The following FUT8 variants were observed in gnomAD, a reference collection of about 807,000 sequenced individuals.
FUT8 encodes fucosyltransferase 8.
Under a neutral mutation model 71.3 loss-of-function variants are expected in FUT8, and 29 were observed. The ratio of observed to expected loss-of-function variants is 0.41; its 90% CI spans 0.30 to 0.55. The LOEUF (loss-of-function observed/expected upper bound fraction) is 0.55, where lower values mean the gene tolerates loss of function less well. FUT8 is among the 20% of genes least tolerant of loss of function. The pLI, the probability that FUT8 is intolerant of heterozygous loss-of-function variation, is 0.34. For synonymous variants in FUT8, 254 were observed against 239.3 expected (o/e 1.06, Z -0.57); for missense variants, 544 against 702.1 (o/e 0.77, Z 2.55).
At chr14:65,537,349 T>A (rs1432231816) in intron 2 of FUT8, among the ~76,000 whole-genome samples, 1 of 151,642 alleles carries the variant, frequency 6.6e-6, no homozygotes, top group Non-Finnish European at 1.5e-5. Flanking sequence ...TGTTGGAGTT[T>A]TTATTATTAT....
chr14:65,565,110 G>T (rs980505072), intron 3 of FUT8, among the ~76,000 whole-genome samples: 6 of 151,938 alleles, frequency 3.9e-5, no homozygotes, highest in African/African-American at 1.4e-4. Context: ...CGTGTATAAA[G>T]AGATCACATG....
intron 2 of FUT8, among the ~76,000 whole-genome samples, chr14:65,505,905 A>G (rs2066726121): frequency 6.6e-6 from 1 of 152,096 alleles, no homozygotes; most frequent in African/African-American, 2.4e-5. Flanking sequence ...TTATTTGTCC[A>G]ACTCTGTAGC....
chr14:65,729,168 GGCATGCA>G (rs1276494101), intron 9 of FUT8, among the ~76,000 whole-genome samples: 8 of 148,874 alleles, frequency 5.4e-5, no homozygotes, highest in Non-Finnish European at 8.9e-5. Flanking sequence ...TGGGACCATT[GGCATGCA>G]GCATCATGCC....
intron 5 of FUT8, among the ~76,000 whole-genome samples, chr14:65,628,206 C>T (rs1306168452): frequency 6.6e-6 from 1 of 152,072 alleles, no homozygotes; most frequent in Non-Finnish European, 1.5e-5. Context: ...GGGTTAGCAA[C>T]AAGACCAGTG....
rs776184018 is a variant in FUT8 at position 65,638,857 on chromosome 14, G to A, written c.597+9251G>A. On this transcript the variant is annotated intron_variant, in intron 6 of 10. Transcript: ENST00000673929. The surrounding 1 kb of genome is among the most constrained non-coding windows in gnomAD (Gnocchi z 4.5). ...TAATTCAGATTGCATTTGTATTTCC[G>A]CCTAACCAAAATAAAGCCAGAAGTG... Among the ~76,000 whole-genome samples, 18 of 152,118 alleles carry A rather than the reference G, an allele frequency of 1.2e-4. No individual in the cohort carries two copies. The highest frequency in any genetic ancestry group is 3.4e-3 in the Middle Eastern group (1 of 294).
chr14:65,587,340 A>C (rs1887446372), intron 3 of FUT8, among the ~76,000 whole-genome samples: 1 of 152,248 alleles, frequency 6.6e-6, no homozygotes, highest in East Asian at 1.9e-4. Context: ...CAGAAATGAT[A>C]TGACTTAAGT....
At chr14:65,720,567 G>T (rs1055028104) in intron 7 of FUT8, among the ~76,000 whole-genome samples, 4 of 152,220 alleles carry the variant, frequency 2.6e-5, no homozygotes, top group Non-Finnish European at 5.9e-5. Context: ...GAACTGCACT[G>T]CCTTAGATTA....
intron 2 of FUT8, among the ~76,000 whole-genome samples, chr14:65,518,942 G>A (rs911597270): frequency 5.9e-5 from 9 of 152,136 alleles, no homozygotes; most frequent in African/African-American, 2.2e-4. Flanking sequence ...CAGAAGTGAA[G>A]AAAGATGAAT....
Position 65,677,151 on chromosome 14 carries a change from T to TGTGTGTGCGCGCGCGC in FUT8, c.835+7672_835+7673insTGTGTGCGCGCGCGCG. Among the ~76,000 whole-genome samples, 41 of 110,700 alleles carry TGTGTGTGCGCGCGCGC rather than the reference T, an allele frequency of 3.7e-4. 1 individual carries two copies. Among genetic ancestry groups the TGTGTGTGCGCGCGCGC allele is most frequent in the South Asian group, 1.8e-3 (6 of 3,314 alleles). 72.6% of individuals were successfully genotyped at this position (110,700 alleles called of 152,430 possible). A position where few individuals can be genotyped will look rare whatever the true frequency, so the allele number is the denominator to read the frequency against. ...GTGTGTGTGTGTGTGTGTGTGTGTG[T>TGTGTGTGCGCGCGCGC]GCGCGCGCGCATGCGCGCGCACGTA... On this transcript the variant is annotated intron_variant, in intron 7 of 10. Transcript: ENST00000673929.
At chr14:65,702,084 G>T (rs770740114) in intron 7 of FUT8, among the ~76,000 whole-genome samples, 3 of 152,184 alleles carry the variant, frequency 2.0e-5, no homozygotes, top group Non-Finnish European at 2.9e-5. Context: ...GGTGGCTCAC[G>T]CCTGTAATCC....
At chr14:65,715,098 G>A (rs1170394783) in intron 7 of FUT8, among the ~76,000 whole-genome samples, 3 of 152,188 alleles carry the variant, frequency 2.0e-5, no homozygotes, top group Admixed American at 6.5e-5. Flanking sequence ...GCTCTAGCTA[G>A]AACTTCCAGT....
chr14:65,643,674 A>G lies in FUT8; in HGVS notation c.597+14068A>G, dbSNP rs1367055208. Among the ~76,000 whole-genome samples, 1 of 63,432 alleles carries G rather than the reference A, an allele frequency of 1.6e-5. No homozygotes were observed. The highest frequency in any genetic ancestry group is 4.1e-5 in the African/African-American group (1 of 24,194). The allele number at this position is 63,432 out of a possible 152,430, so 41.6% of individuals were successfully genotyped here. ...GTCTTTAAAAAAAAAATACACACAC[A>G]CACACACACACACACACACACACAC... On this transcript the variant is annotated intron_variant, in intron 6 of 10. Transcript: ENST00000673929. This position sits in a 1 kb window ranked among gnomAD's most constrained non-coding sequence, Gnocchi z 4.5.
chr14:65,423,920 T>C (rs2065341371), intron 1 of FUT8, among the ~76,000 whole-genome samples: 2 of 152,234 alleles, frequency 1.3e-5, no homozygotes. Flanking sequence ...CTTCATGAAT[T>C]CTTTTTTTAC....
intron 2 of FUT8, among the ~76,000 whole-genome samples, chr14:65,477,344 T>G (rs916130361): frequency 6.6e-6 from 1 of 152,234 alleles, no homozygotes; most frequent in Non-Finnish European, 1.5e-5. Flanking sequence ...AAGAGTTCCC[T>G]AGGTCTCTGA....
At chr14:65,539,741 AG>A (rs546155232) in intron 2 of FUT8, among the ~76,000 whole-genome samples, 53 of 152,334 alleles carry the variant, frequency 3.5e-4, no homozygotes, top group African/African-American at 1.2e-3. Flanking sequence ...CACTTTGTAC[AG>A]GTTCCTAGTA....
chr14:65,724,237 G>C lies in FUT8; in HGVS notation c.1173G>C (p.Gln391His). 6.2e-7 allele frequency: 1 copy of C among 1,613,530 alleles called. No individual in the cohort carries two copies. The highest frequency in any genetic ancestry group is 8.5e-7 in the Non-Finnish European group (1 of 1,179,754). Residue 391 changes from glutamine (Q) to histidine (H), a missense_variant, in exon 9 of 11, where the codon CAG becomes CAC. By Grantham distance (24) the Gln-to-His change is conservative. Transcript: ENST00000673929. ...EYMVHVEEHF[Q>H]LLARRMQVDK... ...TGGTGCATGTTGAAGAACATTTTCAGCTTCTTGCACGCAGAATGCAAGTGG... is the reference window on the plus strand; with the variant it reads ...TGGTGCATGTTGAAGAACATTTTCACCTTCTTGCACGCAGAATGCAAGTGG...
intron 3 of FUT8, among the ~76,000 whole-genome samples, chr14:65,582,721 A>G (rs578255333): frequency 6.6e-6 from 1 of 152,316 alleles, no homozygotes; most frequent in South Asian, 2.1e-4. Context: ...TTAAGTGAGT[A>G]TTTTGATGGA....
chr14:65,552,536 C>T lies in FUT8; in HGVS notation c.-227-8801C>T, dbSNP rs538203519. On this transcript the variant is annotated intron_variant, in intron 2 of 10. Transcript: ENST00000673929. ...AATTTACATAACATGAATGACTGCA[C>T]TAAATGAAGTATATTATTTAGGAGG... Among the ~76,000 whole-genome samples the T allele has an allele frequency of 2.6e-5, 4 of 152,230 alleles. No individual in the cohort carries two copies. The East Asian group carries it at 7.7e-4, about 29-fold the overall frequency.
intron 6 of FUT8, among the ~76,000 whole-genome samples, chr14:65,650,006 G>T (rs1242705035): frequency 1.3e-5 from 2 of 152,090 alleles, no homozygotes; most frequent in Non-Finnish European, 2.9e-5. Flanking sequence ...CTGCTATAAA[G>T]AAATACCTGG....
Sources: allele counts gnomAD v4.1 joint callset (sites outside exome capture counted in the v4.1 genomes callset), GRCh38; gene constraint gnomAD v4.1.1; non-coding constraint Gnocchi (gnomAD v3.1); transcripts MANE v1.5; gene names NCBI Gene and HGNC (gene_info 2026-07-23, HGNC 2026-07-21).